FANCD2: variants seen among roughly 807,000 people sequenced by gnomAD.
FANCD2 encodes FA complementation group D2.
A neutral mutation model predicts 192.3 loss-of-function variants in FANCD2; 131 were observed. The ratio of observed to expected loss-of-function variants is 0.68; its 90% CI spans 0.59 to 0.79. FANCD2 has a LOEUF of 0.79. Among genes scored for constraint, FANCD2 ranks in the 30% least tolerant of loss-of-function variants. FANCD2 has a pLI of 0.00. For synonymous variants in FANCD2, 524 were observed against 612.5 expected (o/e 0.86, Z 2.13); for missense variants, 1,508 against 1,701.6 (o/e 0.89, Z 2.00).
intron 3 of FANCD2, 95 bp from the exon 4 acceptor site, chr3:10,034,374 A>G: frequency 1.3e-6 from 1 of 768,584 alleles, no homozygotes; most frequent in East Asian, 2.5e-5. Flanking sequence ...GGTTGAAAAT[A>G]TTTTTATTGG....
chr3:10,077,044 C>T (rs1293068239), intron 29 of FANCD2, among the ~76,000 whole-genome samples: 1 of 151,816 alleles, frequency 6.6e-6, no homozygotes, highest in Non-Finnish European at 1.5e-5. Context: ...GCCTGGGTAA[C>T]ACAGTGAGAC....
At chr3:10,099,295 C>T in intron 43 of FANCD2, 1 of 1,243,010 alleles carries the variant, frequency 8.0e-7, no homozygotes, top group Non-Finnish European at 1.0e-6. Flanking sequence ...TTTTGTGGTA[C>T]AGATGCTTTC....
At chr3:10,078,319 A>T in intron 30 of FANCD2, 122 bp downstream of exon 30, 1 of 744,000 alleles carries the variant, frequency 1.3e-6, no homozygotes, top group Non-Finnish European at 2.5e-6. Flanking sequence ...GCATGGGTGC[A>T]GCCGTATTGC....
intron 17 of FANCD2, among the ~76,000 whole-genome samples, chr3:10,050,449 C>G (rs1191466403): frequency 2.6e-5 from 4 of 151,248 alleles, no homozygotes; most frequent in Non-Finnish European, 5.9e-5. Flanking sequence ...ACGGTGAAAC[C>G]CCGTCTCTAC....
At chr3:10,054,446 CATATATATATAT>C (rs1319690526) in intron 18 of FANCD2, among the ~76,000 whole-genome samples, 5 of 36,494 alleles carry the variant, frequency 1.4e-4, no homozygotes, top group South Asian at 1.5e-3. Flanking sequence ...CATGTATATA[CATATATATATAT>C]ATATATATAT....
chr3:10,046,774 C>T (rs775932167), intron 15 of FANCD2, 51 bp downstream of exon 15: 11 of 1,400,316 alleles, frequency 7.9e-6, no homozygotes, highest in South Asian at 1.2e-5. Context: ...AGCTTTACAG[C>T]TCTCATGTAA....
At position 10,078,257 on chromosome 3, in the gene FANCD2, TATG is replaced by T. The variant is rs1380465118; in HGVS notation, c.2976+65_2976+67del. On this transcript the variant is annotated intron_variant, in intron 30 of 43. Coordinates refer to ENST00000675286, the MANE Select transcript of FANCD2 (RefSeq NM_001018115.3). The stretch of plus-strand genomic sequence containing the variant: ...GTGGATTTGGGAACAAAGGAGGTAT[TATG>T]ATGAAAAAGTTGTCACTTTCTTTGG... 14 of 1,165,804 alleles carry T rather than the reference TATG, an allele frequency of 1.2e-5. No homozygotes were observed. The African/African-American group carries it at 1.7e-4, about 14-fold the overall frequency. 72.2% of individuals were successfully genotyped at this position (1,165,804 alleles called of 1,614,324 possible). A position where few individuals can be genotyped will look rare whatever the true frequency, so the allele number is the denominator to read the frequency against.
At chr3:10,027,246 A>G (rs1020909425) in intron 1 of FANCD2, among the ~76,000 whole-genome samples, 1 of 152,154 alleles carries the variant, frequency 6.6e-6, no homozygotes, top group Non-Finnish European at 1.5e-5. Context: ...AGTGTGAGGT[A>G]AGGGCCCCTA....
rs530202330 is a variant in FANCD2 at position 10,052,379 on chromosome 3, T to C, written c.1546-8T>C. 20 of 1,571,326 alleles carry C rather than the reference T, an allele frequency of 1.3e-5. No homozygotes were observed. The Admixed American group carries it at 2.0e-4, about 16-fold the overall frequency. Reference sequence around the variant, plus strand: ...CTAGCCTCATTGTTGGCATCATTTTTTCCACAGGGCATTTTAGATTATCTG... The same window carrying C: ...CTAGCCTCATTGTTGGCATCATTTTCTCCACAGGGCATTTTAGATTATCTG... On this transcript the variant is annotated splice_polypyrimidine_tract_variant and splice_region_variant and intron_variant, in intron 17 of 43. Coordinates refer to ENST00000675286, the MANE Select transcript of FANCD2 (RefSeq NM_001018115.3).
At chr3:10,064,951 A>G (rs2087677112) in intron 23 of FANCD2, 76 bp downstream of exon 23, 1 of 1,505,838 alleles carries the variant, frequency 6.6e-7, no homozygotes, top group Non-Finnish European at 9.2e-7. Context: ...CTTGGTGGGG[A>G]AGTTGAGTCA....
At chr3:10,092,684 C>CTTTTTTT (rs565351425) in intron 38 of FANCD2, among the ~76,000 whole-genome samples, 1 of 72,050 alleles carries the variant, frequency 1.4e-5, no homozygotes, top group Non-Finnish European at 2.4e-5. Context: ...TCTTTCATGT[C>CTTTTTTT]TTTTTTTTTT....
chr3:10,100,005 G>A (rs757201786), intron 43 of FANCD2, among the ~76,000 whole-genome samples: 1 of 152,010 alleles, frequency 6.6e-6, no homozygotes, highest in Non-Finnish European at 1.5e-5. Context: ...AGACCAACCC[G>A]AGACCCCATC....
At position 10,054,133 on chromosome 3, in the gene FANCD2, G is replaced by A. The variant is rs185931639; in HGVS notation, c.1656+1636G>A. ...AGGCGGAGGTGGGAGGATCCATTGA[G>A]CCCAGGAAGTTGAGGCTACAGTAAG... On this transcript the variant is annotated intron_variant, in intron 18 of 43. Coordinates refer to ENST00000675286, the MANE Select transcript of FANCD2 (RefSeq NM_001018115.3). 8.6e-4 allele frequency among the ~76,000 whole-genome samples: 130 copies of A among 151,564 alleles called. No homozygotes were observed. In the East Asian group the frequency reaches 0.019, roughly 22 times the overall value.
chr3:10,072,238 C>G (rs1423537788), intron 26 of FANCD2, among the ~76,000 whole-genome samples: 2 of 151,150 alleles, frequency 1.3e-5, no homozygotes, highest in Non-Finnish European at 2.9e-5. Flanking sequence ...GTACCTGTAT[C>G]AAAATATCTC....
At chr3:10,046,324 A>T (rs1307648321) in intron 14 of FANCD2, 3 of 438,298 alleles carry the variant, frequency 6.8e-6, no homozygotes, top group East Asian at 5.2e-5. Context: ...AAGTGCTGGG[A>T]TTACAGATGT....
intron 14 of FANCD2, chr3:10,045,589 A>G (rs1032766954): frequency 3.3e-5 from 5 of 150,360 alleles, no homozygotes; most frequent in African/African-American, 1.2e-4. Flanking sequence ...AACTTTTCAC[A>G]AAGTAATTTT....
intron 26 of FANCD2, among the ~76,000 whole-genome samples, chr3:10,069,459 G>GGCTCCCCCCC (rs758011243): frequency 7.7e-6 from 1 of 129,428 alleles, no homozygotes. Context: ...TAGTTAAGAT[G>GGCTCCCCCCC]CCTCTCCCCC....
rs1462042942 is a variant in FANCD2 at position 10,032,823 on chromosome 3, T to C, written c.65-9T>C. 2.5e-6 allele frequency: 4 copies of C among 1,610,110 alleles called. No homozygotes were observed. The highest frequency in any genetic ancestry group is 1.1e-5 in the South Asian group (1 of 90,308). On this transcript the variant is annotated splice_polypyrimidine_tract_variant and intron_variant, in intron 2 of 43. Coordinates refer to ENST00000675286, the MANE Select transcript of FANCD2 (RefSeq NM_001018115.3). ...TTTGCCATATTCTTGAAAATTTTTCTATTTTCAGAAACCAGGAAGCAACCA... is the reference window on the plus strand; with the variant it reads ...TTTGCCATATTCTTGAAAATTTTTCCATTTTCAGAAACCAGGAAGCAACCA...
chr3:10,073,017 A>G (rs762134211), intron 27 of FANCD2, 36 bp downstream of exon 27: 13 of 1,256,966 alleles, frequency 1.0e-5, no homozygotes, highest in Non-Finnish European at 1.5e-5. Context: ...TTGTGTCTCT[A>G]AATAAGCTTC....
Sources: allele counts gnomAD v4.1 joint callset (sites outside exome capture counted in the v4.1 genomes callset), GRCh38; gene constraint gnomAD v4.1.1; transcripts MANE v1.5; gene names NCBI Gene and HGNC (gene_info 2026-07-23, HGNC 2026-07-21).